APBB2: variants seen among roughly 807,000 people sequenced by gnomAD.
APBB2 encodes the protein Fe65-like 1.
In APBB2, 38 loss-of-function variants were observed where a neutral mutation model predicts 82.5. The ratio of observed to expected loss-of-function variants is 0.46; its 90% CI spans 0.36 to 0.60. APBB2 has a LOEUF of 0.60. Ranked by LOEUF, APBB2 falls within the 20% of genes least tolerant of loss-of-function variation. APBB2 has a pLI of 0.00. For synonymous variants in APBB2, 341 were observed against 368.2 expected (o/e 0.93, Z 0.85); for missense variants, 772 against 972.3 (o/e 0.79, Z 2.74).
rs1790034178 is a variant in APBB2 at position 40,951,186 on chromosome 4, T to C, written c.836-6113A>G. Among the ~76,000 whole-genome samples, 5 of 152,336 alleles carry C rather than the reference T, an allele frequency of 3.3e-5. No individual in the cohort carries two copies. The South Asian group carries it at 1.0e-3, about 32-fold the overall frequency. ...GACTTCTGGAGTATTAGAAATGCTTTATTTCTTCACTGGGCTGGCAGGACC... is the reference window on the plus strand; with the variant it reads ...GACTTCTGGAGTATTAGAAATGCTTCATTTCTTCACTGGGCTGGCAGGACC... On this transcript the variant is annotated intron_variant, in intron 6 of 17. Coordinates refer to ENST00000508593, the MANE Select transcript of APBB2 (RefSeq NM_004307.2).
At chr4:41,138,259 C>G (rs1758142460) in intron 2 of APBB2, 1 of 152,118 alleles carries the variant, frequency 6.6e-6, no homozygotes. Flanking sequence ...ACATCAAAAT[C>G]ATGAGCTTTG....
chr4:41,072,889 A>G (rs981712216), intron 3 of APBB2, among the ~76,000 whole-genome samples: 4 of 152,220 alleles, frequency 2.6e-5, no homozygotes, highest in African/African-American at 9.6e-5. Context: ...ACTGTTGGCA[A>G]ATCAATTAGC....
intron 6 of APBB2, among the ~76,000 whole-genome samples, chr4:40,993,083 C>T (rs1332567153): frequency 3.3e-5 from 5 of 152,186 alleles, no homozygotes; most frequent in South Asian, 2.1e-4. Context: ...GCAATCACTA[C>T]GTTCTGTGCC....
At chr4:40,912,271 C>G (rs1432370240) in intron 10 of APBB2, among the ~76,000 whole-genome samples, 4 of 152,318 alleles carry the variant, frequency 2.6e-5, no homozygotes, top group Non-Finnish European at 5.9e-5. Context: ...CCCACCGCAG[C>G]CTAAGGCCTA....
chr4:40,821,807 T>A, intron 17 of APBB2, 64 bp downstream of exon 17: 1 of 1,568,614 alleles, frequency 6.4e-7, no homozygotes, highest in Non-Finnish European at 8.7e-7. Context: ...TCTGCTATAA[T>A]GTATGGCATA....
intron 6 of APBB2, among the ~76,000 whole-genome samples, chr4:40,966,397 A>T (rs1465104873): frequency 4.6e-5 from 7 of 152,054 alleles, no homozygotes; most frequent in East Asian, 1.9e-4. Flanking sequence ...AGGGCTGTGG[A>T]CTCCACCAGC....
intron 1 of APBB2, among the ~76,000 whole-genome samples, chr4:41,204,276 A>T (rs1438742593): frequency 2.0e-5 from 3 of 152,234 alleles, no homozygotes; most frequent in Admixed American, 1.3e-4. Flanking sequence ...AGTTGGGATG[A>T]TATGCCCAGA....
chr4:40,834,415 T>C (rs1407059678), intron 12 of APBB2, among the ~76,000 whole-genome samples: 3 of 152,200 alleles, frequency 2.0e-5, no homozygotes, highest in Admixed American at 6.5e-5. Flanking sequence ...ACTTCATCTA[T>C]GGACAATGAA....
intron 10 of APBB2, among the ~76,000 whole-genome samples, chr4:40,930,440 TGTGTGTGTGCGCGCGC>T (rs1418978289): frequency 2.2e-5 from 1 of 45,284 alleles, no homozygotes; most frequent in African/African-American, 5.9e-5. Flanking sequence ...TGTGTGTGTG[TGTGTGTGTGCGCGCGC>T]GCGCGCGCGC....
intron 6 of APBB2, among the ~76,000 whole-genome samples, chr4:40,967,945 C>T (rs1795059032): frequency 6.6e-6 from 1 of 152,168 alleles, no homozygotes; most frequent in Non-Finnish European, 1.5e-5. Context: ...GGCTGAGATG[C>T]TGGGTAGAAA....
At chr4:40,882,097 C>G (rs1162406182) in intron 12 of APBB2, among the ~76,000 whole-genome samples, 1 of 152,114 alleles carries the variant, frequency 6.6e-6, no homozygotes, top group African/African-American at 2.4e-5. Context: ...AGGGAGGGGA[C>G]AGGCAGGACC....
rs1745459434 is a variant in APBB2, at chr4:40,815,847, TAAG to T, written c.*242_*244del. ...TAAGTAATGTTCACAATATTTACAA[TAAG>T]AAAAAGACCTTCCACTGCGCATGAT... is the stretch of plus-strand genomic sequence containing the variant. On this transcript the variant is annotated 3_prime_UTR_variant, in exon 18 of 18. Transcript: ENST00000508593. The T allele has an allele frequency of 2.2e-6, 1 of 456,588 alleles. No individual in the cohort carries two copies. The highest frequency in any genetic ancestry group is 3.5e-5 in the Admixed American group (1 of 28,332). The allele number at this position is 456,588 out of a possible 1,614,324, so 28.3% of individuals were successfully genotyped here. A position where few individuals can be genotyped will look rare whatever the true frequency, so the allele number is the denominator to read the frequency against.
At chr4:41,060,587 T>C (rs543195707) in intron 4 of APBB2, among the ~76,000 whole-genome samples, 70 of 152,040 alleles carry the variant, frequency 4.6e-4, no homozygotes, top group African/African-American at 1.6e-3. Flanking sequence ...AGGAGGGAAA[T>C]AGTACTGGAG....
intron 10 of APBB2, among the ~76,000 whole-genome samples, chr4:40,925,924 C>T (rs1782504531): frequency 1.3e-5 from 2 of 152,158 alleles, no homozygotes; most frequent in South Asian, 2.1e-4. Context: ...CAGAAAGCTC[C>T]GTCAAACCTA....
chr4:41,085,815 T>C (rs1394873029), intron 3 of APBB2, among the ~76,000 whole-genome samples: 1 of 152,072 alleles, frequency 6.6e-6, no homozygotes, highest in Non-Finnish European at 1.5e-5. Context: ...AAAAGAAGTC[T>C]AATACTGAAA....
chr4:41,159,352 A>G (rs1473726424), intron 1 of APBB2, among the ~76,000 whole-genome samples: 1 of 152,224 alleles, frequency 6.6e-6, no homozygotes, highest in Non-Finnish European at 1.5e-5. Context: ...CTACCTCAAA[A>G]GGGCTATTTT....
At chr4:40,862,741 C>A (rs1763063826) in intron 12 of APBB2, among the ~76,000 whole-genome samples, 1 of 152,040 alleles carries the variant, frequency 6.6e-6, no homozygotes, top group Non-Finnish European at 1.5e-5. Flanking sequence ...CACCTACAAT[C>A]CCAGCTACTT....
intron 12 of APBB2, among the ~76,000 whole-genome samples, chr4:40,875,019 A>T (rs1766518344): frequency 6.6e-6 from 1 of 152,238 alleles, no homozygotes; most frequent in Non-Finnish European, 1.5e-5. Context: ...CATTTTTGGT[A>T]GTTAAGTGTG....
intron 6 of APBB2, among the ~76,000 whole-genome samples, chr4:40,969,348 G>A (rs1438436866): frequency 6.6e-6 from 1 of 152,130 alleles, no homozygotes; most frequent in African/African-American, 2.4e-5. Flanking sequence ...AATGAAAAGT[G>A]GAAGCTGTTT....
Sources: allele counts gnomAD v4.1 joint callset (sites outside exome capture counted in the v4.1 genomes callset), GRCh38; gene constraint gnomAD v4.1.1; transcripts MANE v1.5; gene names NCBI Gene and HGNC (gene_info 2026-07-23, HGNC 2026-07-21).